TMC5: variants seen among roughly 807,000 people sequenced by gnomAD.
The protein encoded by TMC5 is transmembrane channel-like protein 5.
Under a neutral mutation model 110.5 loss-of-function variants are expected in TMC5, and 86 were observed. The ratio of observed to expected loss-of-function variants is 0.78; its 90% CI spans 0.65 to 0.93. TMC5 has a LOEUF of 0.93. TMC5 is among the 40% of genes least tolerant of loss of function. TMC5 has a pLI of 0.00. For missense variants in TMC5, 1,144 were observed against 1,222.8 expected (o/e 0.94, Z 0.96); for synonymous variants, 455 against 439.5 (o/e 1.04, Z -0.44).
upstream of TMC5, among the ~76,000 whole-genome samples, chr16:19,417,453 CG>C (rs1966886972): frequency 6.7e-6 from 1 of 149,186 alleles, no homozygotes; most frequent in Admixed American, 6.7e-5. Context: ...AGCCAGTGCC[CG>C]GGGGTGTCTA....
intron 17 of TMC5, 105 bp from the exon 18 acceptor site, chr16:19,490,290 A>G (rs959350885): frequency 2.5e-5 from 29 of 1,146,992 alleles, no homozygotes; most frequent in Admixed American, 1.9e-4. Context: ...GGATCAGGCA[A>G]GACTTGATGT....
chr16:19,493,255 C>G (rs1377239022), intron 19 of TMC5, among the ~76,000 whole-genome samples: 1 of 151,784 alleles, frequency 6.6e-6, no homozygotes, highest in East Asian at 1.9e-4. Flanking sequence ...GCCATCGCCC[C>G]CAGCTGAGAT....
chr16:19,415,589 ACAAAAGAAT>A (rs1966872798), upstream of TMC5, among the ~76,000 whole-genome samples: 1 of 152,220 alleles, frequency 6.6e-6, no homozygotes, highest in Non-Finnish European at 1.5e-5. Context: ...ACTTATAGCT[ACAAAAGAAT>A]CAAAATCACT....
intron 1 of TMC5, among the ~76,000 whole-genome samples, chr16:19,421,092 G>T (rs1966972716): frequency 6.6e-6 from 1 of 152,122 alleles, no homozygotes; most frequent in Non-Finnish European, 1.5e-5. Flanking sequence ...GGATCGCAAG[G>T]TTGTGTCTGT....
chr16:19,471,139 A>G (rs1159844264), intron 10 of TMC5, among the ~76,000 whole-genome samples: 1 of 151,926 alleles, frequency 6.6e-6, no homozygotes, highest in Non-Finnish European at 1.5e-5. Context: ...CCCAAGCTGG[A>G]GTGCAGTGGT....
At chr16:19,436,759 A>G (rs1177361841) in intron 2 of TMC5, among the ~76,000 whole-genome samples, 1 of 152,206 alleles carries the variant, frequency 6.6e-6, no homozygotes, top group Admixed American at 6.5e-5. Context: ...GATGTCATCA[A>G]CATCTGACAA....
At chr16:19,486,803 G>T in intron 15 of TMC5, 142 bp from the exon 16 acceptor site, 5 of 668,864 alleles carry the variant, frequency 7.5e-6, no homozygotes. Context: ...AGATATTCGG[G>T]GTTAAGGCCT....
intron 1 of TMC5, among the ~76,000 whole-genome samples, chr16:19,426,605 C>T (rs569053545): frequency 6.6e-6 from 1 of 152,158 alleles, no homozygotes; most frequent in Non-Finnish European, 1.5e-5. Flanking sequence ...CAGAGACGGG[C>T]GTCCTCCTTC....
chr16:19,485,295 G>A (rs1393639563), intron 15 of TMC5, among the ~76,000 whole-genome samples: 1 of 151,968 alleles, frequency 6.6e-6, no homozygotes, highest in Non-Finnish European at 1.5e-5. Flanking sequence ...AGAAAACTAA[G>A]GTTTAGAGAG....
At position 19,492,454 on chromosome 16, in the gene TMC5, T is replaced by G. The variant is rs927756670; in HGVS notation, c.2826+226T>G. On this transcript the variant is annotated intron_variant, in intron 19 of 21. Coordinates refer to ENST00000542583, the MANE Select transcript of TMC5 (RefSeq NM_001261841.2). The stretch of plus-strand genomic sequence containing the variant: ...TTATTTTAATTATGATGATTATTAT[T>G]ATTATTTTGAGATAGAGTTTTGCTC... 1.4e-4 allele frequency: 48 copies of G among 340,994 alleles called. No homozygotes were observed. In the Middle Eastern group the frequency reaches 3.3e-3, roughly 24 times the overall value. 21.1% of individuals were successfully genotyped at this position (340,994 alleles called of 1,614,324 possible). A position where few individuals can be genotyped will look rare whatever the true frequency, so the allele number is the denominator to read the frequency against.
rs558602730 is a variant in TMC5, at chr16:19,493,429, G to A, written c.2827-833G>A. Among the ~76,000 whole-genome samples the A allele has an allele frequency of 9.6e-5, 14 of 146,538 alleles. No individual in the cohort carries two copies. In the South Asian group the frequency reaches 3.0e-3, roughly 32 times the overall value. ...ATCAGGATCTGAAAAGGGGGTACAT[G>A]TTGCATTTGGTTAATGTCTCTCTCT... On this transcript the variant is annotated intron_variant, in intron 19 of 21. Coordinates refer to ENST00000542583, the MANE Select transcript of TMC5 (RefSeq NM_001261841.2).
chr16:19,492,012 C>G lies in TMC5; in HGVS notation c.2748-138C>G. On this transcript the variant is annotated intron_variant, in intron 18 of 21. Transcript: ENST00000542583. Reference sequence around the variant, plus strand: ...TCCAATGTATTTAACCTATAACTCTCCCTGACATGACTTTTCAGAAACATG... The same window carrying G: ...TCCAATGTATTTAACCTATAACTCTGCCTGACATGACTTTTCAGAAACATG... The G allele has an allele frequency of 5.7e-6, 4 of 703,098 alleles. No homozygotes were observed. In the South Asian group the frequency reaches 6.8e-5, roughly 12 times the overall value. 43.6% of individuals were successfully genotyped at this position (703,098 alleles called of 1,614,324 possible). A position where few individuals can be genotyped will look rare whatever the true frequency, so the allele number is the denominator to read the frequency against.
chr16:19,495,013 T>TGCAAA (rs1597223407), intron 20 of TMC5, among the ~76,000 whole-genome samples: 981 of 45,038 alleles, frequency 0.022, 143 homozygotes, highest in South Asian at 0.056. Context: ...TGTCTATTCT[T>TGCAAA]TTTTTTTTTT....
At position 19,472,136 on chromosome 16, in the gene TMC5, C is replaced by T. The variant is rs1204933215; in HGVS notation, c.1831C>T (p.Gln611Ter). ...RQENSKLTFN[Q>*]LLTRFSAYMV... Reference sequence around the variant, plus strand: ...GGAGAATTCCAAGTTGACGTTCAATCAGCTGCTGACCCGCTTCTCTGCCTA... The same window carrying T: ...GGAGAATTCCAAGTTGACGTTCAATTAGCTGCTGACCCGCTTCTCTGCCTA... Residue 611 changes from glutamine (Q) to a stop codon, truncating the protein, a stop_gained, in exon 11 of 22, where the codon CAG becomes TAG. Coordinates refer to ENST00000542583, the MANE Select transcript of TMC5 (RefSeq NM_001261841.2). LOFTEE classifies it high-confidence loss of function. The T allele has an allele frequency of 3.1e-6, 5 of 1,614,202 alleles. No homozygotes were observed. Among genetic ancestry groups the T allele is most frequent in the Non-Finnish European group, 4.2e-6 (5 of 1,180,026 alleles).
chr16:19,463,461 T>C, intron 7 of TMC5, 94 bp downstream of exon 7: 1 of 1,090,832 alleles, frequency 9.2e-7, no homozygotes, highest in East Asian at 2.4e-5. Flanking sequence ...GAACCAAAAA[T>C]CAGAGCAATT....
intron 17 of TMC5, among the ~76,000 whole-genome samples, chr16:19,489,183 T>C (rs908232085): frequency 8.5e-5 from 13 of 152,218 alleles, no homozygotes; most frequent in African/African-American, 3.1e-4. Flanking sequence ...ATTCAATTTC[T>C]TTCTTTGAGA....
intron 5 of TMC5, chr16:19,456,671 A>AC (rs771362308): frequency 6.3e-7 from 1 of 1,580,342 alleles, no homozygotes; most frequent in Admixed American, 1.7e-5. Context: ...CAGGAAGCCC[A>AC]CCCCAGTGGA....
chr16:19,462,793 G>A (rs564121316), intron 6 of TMC5, among the ~76,000 whole-genome samples: 1 of 151,902 alleles, frequency 6.6e-6, no homozygotes, highest in Admixed American at 6.6e-5. Flanking sequence ...AGCTACTCGG[G>A]AGGCTGAGGC....
At chr16:19,422,826 T>C (rs1185432915) in intron 1 of TMC5, among the ~76,000 whole-genome samples, 2 of 152,310 alleles carry the variant, frequency 1.3e-5, no homozygotes, top group East Asian at 3.9e-4. Flanking sequence ...TGGGCACCTG[T>C]AATCCCAGCT....
Sources: allele counts gnomAD v4.1 joint callset (sites outside exome capture counted in the v4.1 genomes callset), GRCh38; gene constraint gnomAD v4.1.1; transcripts MANE v1.5; gene names NCBI Gene and HGNC (gene_info 2026-07-23, HGNC 2026-07-21).